Variants in RHBDD1 observed in about 807,000 individuals in gnomAD.
RHBDD1 encodes rhomboid domain containing 1, also known as rhomboid-related protein 4.
Under a neutral mutation model 36.3 loss-of-function variants are expected in RHBDD1, and 38 were observed. That is an observed-to-expected ratio of 1.05 (90% CI 0.81 to 1.37). The LOEUF (loss-of-function observed/expected upper bound fraction) is 1.37. Ranked by LOEUF, RHBDD1 falls within the 40% of genes most tolerant of loss-of-function variation. The pLI, the probability that RHBDD1 is intolerant of heterozygous loss-of-function variation, is 0.00. For missense variants in RHBDD1, 393 were observed against 377.6 expected (o/e 1.04, Z -0.34); for synonymous variants, 151 against 136.5 (o/e 1.11, Z -0.74).
intron 5 of RHBDD1, among the ~76,000 whole-genome samples, chr2:226,896,703 A>C (rs759795804): frequency 2.0e-5 from 3 of 152,206 alleles, no homozygotes; most frequent in Non-Finnish European, 4.4e-5. Flanking sequence ...CAAGTTCTTT[A>C]CTATGGCACA....
Position 226,877,708 on chromosome 2 carries a change from A to G in RHBDD1, c.566+10390A>G, listed in dbSNP as rs1049675055. On this transcript the variant is annotated intron_variant, in intron 5 of 8. Coordinates refer to ENST00000392062, the MANE Select transcript of RHBDD1 (RefSeq NM_001167608.3). Reference sequence around the variant, plus strand: ...TTTTCCACAAGCATCTTTCTTTGCTATACAGCTGAAGTGCTTTGTGTGTAT... The same window carrying G: ...TTTTCCACAAGCATCTTTCTTTGCTGTACAGCTGAAGTGCTTTGTGTGTAT... Among the ~76,000 whole-genome samples, 8 of 152,292 alleles carry G rather than the reference A, an allele frequency of 5.3e-5. No homozygotes were observed. The East Asian group carries it at 1.2e-3, about 22-fold the overall frequency.
chr2:226,817,592 T>A, the RHBDD1 span, among the ~76,000 whole-genome samples: 1 of 152,160 alleles, frequency 6.6e-6, no homozygotes, highest in Non-Finnish European at 1.5e-5. Context: ...CACAGATGAG[T>A]TCTGAATCAC....
At chr2:226,913,137 C>G (rs564045054) in intron 7 of RHBDD1, among the ~76,000 whole-genome samples, 1 of 152,262 alleles carries the variant, frequency 6.6e-6, no homozygotes, top group East Asian at 1.9e-4. Context: ...CAGTGTTCCT[C>G]TTTTGGCTGG....
intron 8 of RHBDD1, among the ~76,000 whole-genome samples, chr2:226,938,892 C>T (rs149519262): frequency 2.6e-5 from 4 of 152,226 alleles, no homozygotes; most frequent in African/African-American, 9.6e-5. Context: ...AAAATACTGG[C>T]AAACCAAATC....
chr2:226,996,661 A>C lies in RHBDD1; in HGVS notation c.*1139A>C, dbSNP rs982036602. ...AATAGATATGCCTTCCAGATGCATA[A>C]GGCAAACATCTGGAAAGAAATATAC... On this transcript the variant is annotated 3_prime_UTR_variant, in exon 9 of 9. Transcript: ENST00000392062. The C allele has an allele frequency of 2.0e-5, 3 of 152,246 alleles. No individual in the cohort carries two copies. The highest frequency in any genetic ancestry group is 7.2e-5 in the African/African-American group (3 of 41,468). The allele number at this position is 152,246 out of a possible 1,614,324, so 9.4% of individuals were successfully genotyped here.
At chr2:226,952,248 G>A (rs1311543969) in intron 8 of RHBDD1, among the ~76,000 whole-genome samples, 1 of 151,034 alleles carries the variant, frequency 6.6e-6, no homozygotes, top group Admixed American at 6.6e-5. Context: ...AGCTGTAGCA[G>A]AAGGTAGTGG....
chr2:226,902,056 G>A (rs778089843), intron 5 of RHBDD1, among the ~76,000 whole-genome samples: 6 of 152,152 alleles, frequency 3.9e-5, no homozygotes, highest in Non-Finnish European at 8.8e-5. Flanking sequence ...ATAGAGGGTG[G>A]TAGGTCATAA....
intron 4 of RHBDD1, among the ~76,000 whole-genome samples, chr2:226,865,381 G>C (rs1472601083): frequency 6.6e-6 from 1 of 152,210 alleles, no homozygotes; most frequent in Non-Finnish European, 1.5e-5. Context: ...TTGGAAATAT[G>C]CACCAGCTCC....
Position 226,997,255 on chromosome 2 carries a change from T to C in RHBDD1, c.*1733T>C, listed in dbSNP as rs1377972428. On this transcript the variant is annotated 3_prime_UTR_variant, in exon 9 of 9. Transcript: ENST00000392062. ...TGAGTCTAGAAGCTTTAAATGTGTTTAAATTAAAATATTCAAGCTAAATGT... is the reference window on the plus strand; with the variant it reads ...TGAGTCTAGAAGCTTTAAATGTGTTCAAATTAAAATATTCAAGCTAAATGT... 1 of 152,236 alleles carries C rather than the reference T, an allele frequency of 6.6e-6. No individual in the cohort carries two copies. The highest frequency in any genetic ancestry group is 2.1e-4 in the South Asian group (1 of 4,838). 9.4% of individuals were successfully genotyped at this position (152,236 alleles called of 1,614,324 possible).
upstream of RHBDD1, among the ~76,000 whole-genome samples, chr2:226,833,267 T>G (rs1179379280): frequency 2.6e-5 from 4 of 152,250 alleles, no homozygotes; most frequent in East Asian, 7.7e-4. Context: ...TAATCAATAC[T>G]TGGTTCATTA....
chr2:226,905,999 T>C (rs1249199549), intron 5 of RHBDD1, among the ~76,000 whole-genome samples: 1 of 151,384 alleles, frequency 6.6e-6, no homozygotes, highest in African/African-American at 2.4e-5. Context: ...ACAGCAGAGG[T>C]TTTTGAGAAT....
At chr2:226,834,530 T>C (rs1940823313), upstream of RHBDD1, among the ~76,000 whole-genome samples, 2 of 152,340 alleles carry the variant, frequency 1.3e-5, no homozygotes, top group South Asian at 2.1e-4. Flanking sequence ...CCCACACCTA[T>C]GCATGAGCCA....
intron 3 of RHBDD1, among the ~76,000 whole-genome samples, chr2:226,860,804 TG>T (rs1431993452): frequency 6.6e-6 from 1 of 152,216 alleles, no homozygotes; most frequent in African/African-American, 2.4e-5. Context: ...CTTCTCACAT[TG>T]GCTATGGTTA....
intron 8 of RHBDD1, chr2:226,935,079 G>A (rs1454548830): frequency 1.3e-5 from 2 of 151,948 alleles, no homozygotes; most frequent in Non-Finnish European, 2.9e-5. Context: ...AAATCAAGCA[G>A]AATTGTCACC....
intron 5 of RHBDD1, among the ~76,000 whole-genome samples, chr2:226,888,513 G>A (rs144648152): frequency 7.8e-4 from 118 of 151,992 alleles, no homozygotes; most frequent in Non-Finnish European, 1.3e-3. Flanking sequence ...GTCTAATTGG[G>A]AGTGAAAACC....
chr2:226,975,351 C>A (rs1045658935), intron 8 of RHBDD1, among the ~76,000 whole-genome samples: 1 of 152,070 alleles, frequency 6.6e-6, no homozygotes, highest in Non-Finnish European at 1.5e-5. Context: ...TAAACTTATA[C>A]AATTTTATTT....
chr2:226,970,576 G>C (rs575804632), intron 8 of RHBDD1, among the ~76,000 whole-genome samples: 1 of 152,172 alleles, frequency 6.6e-6, no homozygotes, highest in Non-Finnish European at 1.5e-5. Context: ...TCTCTTCTCA[G>C]GGGCTGCTCA....
At chr2:226,834,602 T>C (rs1457826281), upstream of RHBDD1, among the ~76,000 whole-genome samples, 3 of 152,192 alleles carry the variant, frequency 2.0e-5, no homozygotes, top group African/African-American at 7.2e-5. Flanking sequence ...TAATACACAA[T>C]GGCAAAAGAT....
intron 8 of RHBDD1, among the ~76,000 whole-genome samples, chr2:226,931,386 A>G (rs1406514335): frequency 6.6e-6 from 1 of 152,100 alleles, no homozygotes; most frequent in Non-Finnish European, 1.5e-5. Context: ...TTAATAACTC[A>G]GGAATAGAAA....
Sources: gnomAD v4.1 joint callset for allele counts (sites outside exome capture counted in the v4.1 genomes callset) on GRCh38, gnomAD v4.1.1 for gene constraint, MANE v1.5 for transcripts, NCBI Gene and HGNC (gene_info 2026-07-23, HGNC 2026-07-21) for gene names.